Variants in ATP6V1A observed in about 807,000 individuals in gnomAD.
ATP6V1A encodes ATPase H+ transporting V1 subunit A.
In ATP6V1A, 18 loss-of-function variants were observed where a neutral mutation model predicts 70.1. The observed-to-expected ratio is 0.26, with a 90% confidence interval of 0.18 to 0.38. The LOEUF is 0.38. Among genes scored for constraint, ATP6V1A ranks in the 10% least tolerant of loss-of-function variants. ATP6V1A has a pLI of 1.00. For missense variants in ATP6V1A, 424 were observed against 772.4 expected, an observed-to-expected ratio of 0.55 and a Z score of 5.35; for synonymous variants, 232 against 253.8, an observed-to-expected ratio of 0.91 and a Z score of 0.82.
intron 14 of ATP6V1A, among the ~76,000 whole-genome samples, chr3:113,808,661 C>T (rs1709306491): frequency 1.3e-5 from 2 of 152,004 alleles, no homozygotes; most frequent in Admixed American, 1.3e-4. Flanking sequence ...TGTGATAATA[C>T]CAGATGTTGA....
At chr3:113,759,855 T>C (rs1708683027) in intron 1 of ATP6V1A, among the ~76,000 whole-genome samples, 1 of 152,236 alleles carries the variant, frequency 6.6e-6, no homozygotes, top group Non-Finnish European at 1.5e-5. Flanking sequence ...TTGCCTACTA[T>C]GTGCCAAGGC....
At chr3:113,750,189 A>G (rs545230629) in intron 1 of ATP6V1A, among the ~76,000 whole-genome samples, 4 of 152,346 alleles carry the variant, frequency 2.6e-5, no homozygotes, top group South Asian at 4.1e-4. Flanking sequence ...TAGGTAATCT[A>G]TGTGAAAATA....
intron 6 of ATP6V1A, 139 bp from the exon 7 acceptor site, chr3:113,788,574 C>T: frequency 1.6e-6 from 1 of 635,434 alleles, no homozygotes. Flanking sequence ...TCGAACTCCT[C>T]ACTTCAGATG....
At chr3:113,808,932 C>G (rs2108048659) in intron 14 of ATP6V1A, among the ~76,000 whole-genome samples, 1 of 152,192 alleles carries the variant, frequency 6.6e-6, no homozygotes, top group East Asian at 1.9e-4. Flanking sequence ...CCTCACTAAA[C>G]CTAGTACTCA....
intron 1 of ATP6V1A, among the ~76,000 whole-genome samples, chr3:113,764,998 G>GAAAA (rs36088874): frequency 8.8e-6 from 1 of 113,526 alleles, no homozygotes. Flanking sequence ...TGTCTTAATT[G>GAAAA]AAAAAAAAAA....
chr3:113,780,450 A>ATAT (rs1708965073), intron 2 of ATP6V1A, among the ~76,000 whole-genome samples: 1 of 152,236 alleles, frequency 6.6e-6, no homozygotes, highest in East Asian at 1.9e-4. Context: ...GTGGTGACTG[A>ATAT]TTATAAATAT....
chr3:113,805,550 T>G (rs1369003747), intron 14 of ATP6V1A, 25 bp downstream of exon 14: 1 of 1,575,532 alleles, frequency 6.3e-7, no homozygotes. Flanking sequence ...TGCTGTAACT[T>G]TTTTTATTTG....
At chr3:113,748,098 AG>A in intron 1 of ATP6V1A, among the ~76,000 whole-genome samples, 1 of 152,260 alleles carries the variant, frequency 6.6e-6, no homozygotes, top group Non-Finnish European at 1.5e-5. Context: ...TGGTAAATTT[AG>A]GTTAAGTAGC....
chr3:113,762,057 CAGG>C (rs1459078413), intron 1 of ATP6V1A, among the ~76,000 whole-genome samples: 1 of 129,188 alleles, frequency 7.7e-6, no homozygotes, highest in East Asian at 2.4e-4. Flanking sequence ...GAGGCTGAAG[CAGG>C]AGAATTGCTT....
intron 1 of ATP6V1A, among the ~76,000 whole-genome samples, chr3:113,764,486 A>G (rs1297915675): frequency 6.6e-6 from 1 of 152,250 alleles, no homozygotes; most frequent in East Asian, 1.9e-4. Context: ...ATCATATTCA[A>G]ATGGTGAGAT....
intron 1 of ATP6V1A, among the ~76,000 whole-genome samples, chr3:113,753,355 G>A (rs1708610259): frequency 6.6e-6 from 1 of 152,184 alleles, no homozygotes. Context: ...TGAAGTGTTA[G>A]AGTTTTTCCT....
chr3:113,791,338 C>T (rs1036946492), intron 8 of ATP6V1A, among the ~76,000 whole-genome samples: 8 of 148,474 alleles, frequency 5.4e-5, no homozygotes, highest in Non-Finnish European at 8.9e-5. Flanking sequence ...AGTATCTCTT[C>T]TTATCTTACT....
intron 1 of ATP6V1A, among the ~76,000 whole-genome samples, chr3:113,759,223 T>G (rs1708675159): frequency 6.6e-6 from 1 of 152,040 alleles, no homozygotes; most frequent in African/African-American, 2.4e-5. Flanking sequence ...AAAGGAAGTT[T>G]TATAGTTTTA....
intron 1 of ATP6V1A, among the ~76,000 whole-genome samples, chr3:113,778,520 C>T (rs1029618873): frequency 1.3e-5 from 2 of 152,194 alleles, no homozygotes; most frequent in African/African-American, 4.8e-5. Context: ...CTGCAGTGAG[C>T]TATGACTGTA....
chr3:113,770,633 C>T (rs1024054436), intron 1 of ATP6V1A, among the ~76,000 whole-genome samples: 7 of 151,924 alleles, frequency 4.6e-5, no homozygotes, highest in African/African-American at 9.7e-5. Context: ...GAGCCAACAT[C>T]GTGCCACCGC....
chr3:113,782,899 G>T (rs1708995435), intron 3 of ATP6V1A, among the ~76,000 whole-genome samples: 1 of 151,880 alleles, frequency 6.6e-6, no homozygotes. Flanking sequence ...CATATTTTAG[G>T]TACTGTTATA....
chr3:113,791,418 TCA>T (rs1709090882), intron 8 of ATP6V1A, among the ~76,000 whole-genome samples: 1 of 151,268 alleles, frequency 6.6e-6, no homozygotes, highest in Non-Finnish European at 1.5e-5. Context: ...TTAACTGTGG[TCA>T]CAGTTTTCAT....
chr3:113,788,893 A>G lies in ATP6V1A; in HGVS notation c.879+18A>G. 1.9e-6 allele frequency: 3 copies of G among 1,603,726 alleles called. No individual in the cohort carries two copies. The highest frequency in any genetic ancestry group is 2.6e-6 in the Non-Finnish European group (3 of 1,173,516). On this transcript the variant is annotated intron_variant, in intron 7 of 14. Coordinates refer to ENST00000273398, the MANE Select transcript of ATP6V1A (RefSeq NM_001690.4). The stretch of plus-strand genomic sequence containing the variant: ...TCCCAGAGGTCTGTATAAAGCTTCA[A>G]ATAATATCCTAGAGAAAATACCACT...
At chr3:113,773,351 CTT>C (rs1272495536) in intron 1 of ATP6V1A, among the ~76,000 whole-genome samples, 1 of 152,150 alleles carries the variant, frequency 6.6e-6, no homozygotes, top group Admixed American at 6.5e-5. Flanking sequence ...AATTTGTAGA[CTT>C]ATCACTAGGA....
Sources: allele counts gnomAD v4.1 joint callset (sites outside exome capture counted in the v4.1 genomes callset), GRCh38; gene constraint gnomAD v4.1.1; transcripts MANE v1.5; gene names NCBI Gene and HGNC (gene_info 2026-07-23, HGNC 2026-07-21).